Variants in ARHGAP22 observed in about 807,000 individuals in gnomAD.
ARHGAP22 encodes the protein Rho GTPase activating protein 22, also known as rho GTPase-activating protein 22.
Under a neutral mutation model 59.1 loss-of-function variants are expected in ARHGAP22, and 48 were observed. That is an observed-to-expected ratio of 0.81 (90% confidence interval 0.64 to 1.03). The LOEUF (loss-of-function observed/expected upper bound fraction) is 1.03, where lower values mean the gene tolerates loss of function less well. ARHGAP22 is among the 50% of genes least tolerant of loss of function. ARHGAP22 has a pLI of 0.00. For missense variants in ARHGAP22, 1,015 were observed against 958.7 expected, an observed-to-expected ratio of 1.06 and a Z score of -0.78; for synonymous variants, 445 against 416.4, an observed-to-expected ratio of 1.07 and a Z score of -0.84.
rs1423230462 is a variant in ARHGAP22 at position 48,450,753 on chromosome 10, T to C, written c.1376A>G (p.Asn459Ser). Residue 459 changes from asparagine to serine, a missense_variant, in exon 9 of 10, where the codon AAC (asparagine) becomes AGC (serine). Physicochemically the swap from Asn to Ser is conservative, Grantham distance 46. Coordinates refer to ENST00000249601, the MANE Select transcript of ARHGAP22 (RefSeq NM_021226.4). Reference sequence around the variant, plus strand: ...GGAGGACAGCCCGTTCATAAGCCAGTTCCCGCCGGAGGAGATGATGGGCAC... The same window carrying C: ...GGAGGACAGCCCGTTCATAAGCCAGCTCCCGCCGGAGGAGATGATGGGCAC... ...LEVPIISSGG[N>S]WLMNGLSSLR... 6.4e-7 allele frequency: 1 copy of C among 1,560,852 alleles called. No individual in the cohort carries two copies. Among genetic ancestry groups the C allele is most frequent in the Non-Finnish European group, 8.7e-7 (1 of 1,152,854 alleles).
intron 3 of ARHGAP22, among the ~76,000 whole-genome samples, chr10:48,522,472 A>T (rs1376488570): frequency 6.6e-6 from 1 of 152,214 alleles, no homozygotes; most frequent in Non-Finnish European, 1.5e-5. Context: ...AGGCTGCTTA[A>T]TGAGTCTATG....
chr10:48,613,055 T>G (rs2060953825), intron 1 of ARHGAP22, among the ~76,000 whole-genome samples: 1 of 152,140 alleles, frequency 6.6e-6, no homozygotes, highest in African/African-American at 2.4e-5. Flanking sequence ...CTCCCAACCT[T>G]TTTTTTGTCC....
intron 9 of ARHGAP22, among the ~76,000 whole-genome samples, chr10:48,449,531 C>T (rs544064017): frequency 5.4e-4 from 82 of 152,360 alleles, no homozygotes; most frequent in African/African-American, 1.9e-3. Context: ...AAGGAATTCC[C>T]TGCTAGTGGG....
intron 3 of ARHGAP22, among the ~76,000 whole-genome samples, chr10:48,543,367 C>G (rs1415382853): frequency 6.6e-6 from 1 of 152,142 alleles, no homozygotes; most frequent in Non-Finnish European, 1.5e-5. Flanking sequence ...CTCTCTGCAT[C>G]CCAGATTCAC....
At chr10:48,554,723 G>A (rs1338227524) in intron 3 of ARHGAP22, among the ~76,000 whole-genome samples, 1 of 152,170 alleles carries the variant, frequency 6.6e-6, no homozygotes, top group Non-Finnish European at 1.5e-5. Context: ...CCCCTCTGAA[G>A]CCTGTTCTGC....
At chr10:48,520,539 C>G (rs1193776194) in intron 3 of ARHGAP22, among the ~76,000 whole-genome samples, 6 of 152,182 alleles carry the variant, frequency 3.9e-5, no homozygotes, top group Admixed American at 3.3e-4. Flanking sequence ...GCTGGGCACA[C>G]TGTTCCCTGG....
In ARHGAP22 at chr10:48,455,139, G is replaced by T. The variant is rs202246605; in HGVS notation, c.660-5C>A. 2 of 1,602,036 alleles carry T rather than the reference G, an allele frequency of 1.2e-6. No individual in the cohort carries two copies. Among genetic ancestry groups the T allele is most frequent in the East Asian group, 2.2e-5 (1 of 44,678 alleles). On this transcript the variant is annotated splice_region_variant and splice_polypyrimidine_tract_variant and intron_variant, in intron 5 of 9. Transcript: ENST00000249601. The stretch of plus-strand genomic sequence containing the variant: ...ACCGTGTGCACGTCTGTTGTGCTGT[G>T]GGGGGGAAGAGGACAGGTGTGTGAG...
chr10:48,606,877 C>T (rs1041970587), upstream of ARHGAP22, among the ~76,000 whole-genome samples: 1 of 152,204 alleles, frequency 6.6e-6, no homozygotes, highest in East Asian at 1.9e-4. Context: ...TCCCTGAGCC[C>T]CAGGCTGACT....
intron 3 of ARHGAP22, chr10:48,524,165 G>C: frequency 8.5e-7 from 1 of 1,171,650 alleles, no homozygotes; most frequent in Non-Finnish European, 1.0e-6. Flanking sequence ...GCGCCCCGGG[G>C]CGGCGCGGCC....
intron 5 of ARHGAP22, among the ~76,000 whole-genome samples, chr10:48,459,362 C>CT (rs1034796082): frequency 2.4e-4 from 1 of 4,170 alleles, no homozygotes; most frequent in South Asian, 0.071. Flanking sequence ...GGCCTGGGGT[C>CT]CGGATGCAGC....
rs539905024 is a variant in ARHGAP22 at position 48,557,238 on chromosome 10, C to T, written c.235-1688G>A. 2.6e-3 allele frequency among the ~76,000 whole-genome samples: 399 copies of T among 152,210 alleles called. 1 individual carries two copies. Among genetic ancestry groups the T allele is most frequent in the Non-Finnish European group, 4.3e-3 (295 of 68,004 alleles). ...GTGGGTGAGATCCATCACTGGCTAA[C>T]GGGATGCATCTTGGGCGTTTGCTGT... On this transcript the variant is annotated intron_variant, in intron 2 of 9. Transcript: ENST00000249601.
chr10:48,535,943 A>C (rs1241973111), intron 3 of ARHGAP22, among the ~76,000 whole-genome samples: 2 of 152,066 alleles, frequency 1.3e-5, no homozygotes, highest in Non-Finnish European at 2.9e-5. Flanking sequence ...GGGAATTGGG[A>C]GAGTTTCTGC....
chr10:48,535,376 G>T (rs553975443), intron 3 of ARHGAP22, among the ~76,000 whole-genome samples: 1 of 152,198 alleles, frequency 6.6e-6, no homozygotes, highest in South Asian at 2.1e-4. Flanking sequence ...GTCACTCAGG[G>T]ACCCAGGCTC....
chr10:48,530,497 G>A (rs1489471381), intron 3 of ARHGAP22, among the ~76,000 whole-genome samples: 1 of 152,208 alleles, frequency 6.6e-6, no homozygotes, highest in Non-Finnish European at 1.5e-5. Context: ...CAGAGTGGGA[G>A]AAAATCTTTG....
intron 2 of ARHGAP22, among the ~76,000 whole-genome samples, chr10:48,580,845 T>G (rs968452590): frequency 6.9e-5 from 10 of 145,102 alleles, no homozygotes; most frequent in African/African-American, 2.2e-4. Flanking sequence ...TTGTATCCAG[T>G]TATGTGTATG....
At chr10:48,430,963 G>A in the ARHGAP22 span, 7 of 541,580 alleles carry the variant, frequency 1.3e-5, no homozygotes, top group African/African-American at 9.6e-5. Context: ...CAGAAACAGT[G>A]AATTACAGGA....
intron 1 of ARHGAP22, among the ~76,000 whole-genome samples, chr10:48,636,757 A>G (rs1297718295): frequency 6.6e-6 from 1 of 152,228 alleles, no homozygotes; most frequent in Non-Finnish European, 1.5e-5. Context: ...TGAGGTCACC[A>G]CAAAGAGGCC....
the ARHGAP22 span, chr10:48,438,172 T>C: frequency 1.3e-5 from 2 of 152,372 alleles, no homozygotes; most frequent in African/African-American, 4.8e-5. Flanking sequence ...AGTGGATGCA[T>C]GAAGCCCCAT....
intron 9 of ARHGAP22, among the ~76,000 whole-genome samples, chr10:48,447,554 T>G (rs1379346685): frequency 1.3e-5 from 2 of 152,158 alleles, no homozygotes; most frequent in African/African-American, 2.4e-5. Flanking sequence ...TCACTGAGCT[T>G]GAAGCATGGC....
Sources: gnomAD v4.1 joint callset for allele counts (sites outside exome capture counted in the v4.1 genomes callset) on GRCh38, gnomAD v4.1.1 for gene constraint, MANE v1.5 for transcripts, NCBI Gene and HGNC (gene_info 2026-07-23, HGNC 2026-07-21) for gene names.